Variants in SCRIB observed in about 807,000 individuals in gnomAD.
SCRIB encodes protein scribble homolog.
In SCRIB, 72 loss-of-function variants were observed where a neutral mutation model predicts 170.0. The ratio of observed to expected loss-of-function variants is 0.42; its 90% CI spans 0.35 to 0.52. The LOEUF (loss-of-function observed/expected upper bound fraction) is 0.52, where lower values mean the gene tolerates loss of function less well. SCRIB is among the 20% of genes least tolerant of loss of function. The pLI, the probability that SCRIB is intolerant of heterozygous loss-of-function variation, is 0.02. For synonymous variants in SCRIB, 1,298 were observed against 1,044.3 expected (o/e 1.24, Z -4.68); for missense variants, 2,475 against 2,338.5 (o/e 1.06, Z -1.20).
At chr8:143,810,661 GC>G (rs760064611) in intron 12 of SCRIB, 24 bp downstream of exon 12, 6 of 1,602,020 alleles carry the variant, frequency 3.7e-6, no homozygotes, top group Non-Finnish European at 4.3e-6. Context: ...GCAGAGGTTC[GC>G]CCCCCAGATC....
At chr8:143,791,761 G>C (rs782581658) in intron 34 of SCRIB, 21 bp from the exon 35 acceptor site, 6 of 1,583,166 alleles carry the variant, frequency 3.8e-6, no homozygotes, top group Non-Finnish European at 5.2e-6. Context: ...CAGCGTGAGG[G>C]GAGAGGCAGA....
chr8:143,810,105 C>T lies in SCRIB; in HGVS notation c.1530+374G>A, dbSNP rs540941729. On this transcript the variant is annotated intron_variant, in intron 13 of 36. Transcript: ENST00000356994. ...AAAACCCACAGCACGCATGTCACAG[C>T]TCTGAGTGAGAACAGTCAGGCCTGC... 2.2e-4 allele frequency among the ~76,000 whole-genome samples: 33 copies of T among 152,274 alleles called. 2 individuals carry two copies. The South Asian group carries it at 6.8e-3, about 32-fold the overall frequency.
intron 20 of SCRIB, 41 bp from the exon 21 acceptor site, chr8:143,804,866 AGGGGACAGAGGGCGCGGG>A: frequency 8.2e-7 from 1 of 1,225,526 alleles, no homozygotes; most frequent in Non-Finnish European, 1.0e-6. Context: ...CAAGGGCAGA[AGGGGACAGAGGGCGCGGG>A]GCGGGGCAGG....
In SCRIB at chr8:143,808,777, G is replaced by A; in HGVS notation, c.1947C>T (p.Pro649=). The A allele has an allele frequency of 6.2e-7, 1 of 1,611,128 alleles. No individual in the cohort carries two copies. ...GGGCCCGAGGAGCCCAGGGTGCGTG[G>A]GGGCCATTGTGCCAGCCCCCGGGAG... is the stretch of plus-strand genomic sequence containing the variant. ...PVAPGGWHNG[P]HAPWAPRAQK... The change falls in exon 15 of 37, where the codon CCC becomes CCT. Residue 649 remains proline, a synonymous_variant. Transcript: ENST00000356994.
rs560470019 is a variant in SCRIB, at chr8:143,793,661, C to A, written c.3909+239G>T. 4.5e-4 allele frequency: 217 copies of A among 485,974 alleles called. 1 individual carries two copies. The East Asian group carries it at 6.0e-3, about 13-fold the overall frequency. 30.1% of individuals were successfully genotyped at this position (485,974 alleles called of 1,614,324 possible). ...CTGACTGGGGTCTCAGGAGCTTGAG[C>A]CCCTCCAGGAACAGCACACTCAGGC... is the stretch of plus-strand genomic sequence containing the variant. On this transcript the variant is annotated intron_variant, in intron 28 of 36. Coordinates refer to ENST00000356994, the MANE Select transcript of SCRIB (RefSeq NM_182706.5).
intron 19 of SCRIB, 39 bp from the exon 20 acceptor site, chr8:143,805,053 G>A: frequency 1.9e-6 from 3 of 1,581,994 alleles, no homozygotes; most frequent in African/African-American, 2.7e-5. Context: ...TGCCGGTGAG[G>A]CTGGAGTGCG....
intron 9 of SCRIB, among the ~76,000 whole-genome samples, 184 bp downstream of exon 9, chr8:143,812,082 G>A (rs1815757401): frequency 6.6e-6 from 1 of 152,128 alleles, no homozygotes; most frequent in Non-Finnish European, 1.5e-5. Flanking sequence ...CCCTGCCCTG[G>A]CCTCACTGCC....
intron 22 of SCRIB, 25 bp downstream of exon 22, chr8:143,804,021 G>A (rs1815295320): frequency 6.3e-7 from 1 of 1,587,790 alleles, no homozygotes. Context: ...ACCTCTCACA[G>A]AACCGCCTGG....
Position 143,809,025 on chromosome 8 carries a change from G to A in SCRIB, c.1699C>T (p.Pro567Ser), listed in dbSNP as rs181819504. The A allele has an allele frequency of 3.7e-6, 6 of 1,608,740 alleles. No homozygotes were observed. In the East Asian group the frequency reaches 1.3e-4, roughly 36 times the overall value. Residue 567 changes from proline (P) to serine (S), a missense_variant and splice_region_variant, in exon 15 of 37, where the codon CCC (proline) becomes TCC (serine). Pro to Ser is a moderately conservative substitution (Grantham distance 74). This residue lies in a region of SCRIB where 1,966 missense variants were observed against 1,742.9 expected (regional missense o/e 1.13). Coordinates refer to ENST00000356994, the MANE Select transcript of SCRIB (RefSeq NM_182706.5). The part of the protein sequence containing the change: ...EEDAEEDYQE[P>S]TVHFAEDALL... ...GCGTCCTCTGCGAAATGCACCGTGG[G>A]CTGTGCGGACAAAAGGGTGAGGGTG...
At chr8:143,792,661 C>T in intron 30 of SCRIB, 26 bp from the exon 31 acceptor site, 1 of 1,590,850 alleles carries the variant, frequency 6.3e-7, no homozygotes, top group Non-Finnish European at 8.5e-7. Flanking sequence ...GTGGGTCAGG[C>T]CAGACCAGCC....
intron 27 of SCRIB, 49 bp from the exon 28 acceptor site, chr8:143,794,011 C>T (rs1283125547): frequency 1.3e-6 from 2 of 1,584,734 alleles, no homozygotes; most frequent in Admixed American, 3.4e-5. Context: ...GGCTGTGGCC[C>T]CCGACCAGGA....
intron 13 of SCRIB, 44 bp from the exon 14 acceptor site, chr8:143,809,762 C>T (rs1759353097): frequency 1.3e-6 from 2 of 1,585,556 alleles, no homozygotes; most frequent in African/African-American, 1.3e-5. Flanking sequence ...GCTCCCGACT[C>T]ACAGGCTGGC....
chr8:143,791,328 G>A lies in SCRIB; in HGVS notation c.4823-20C>T, dbSNP rs372232275. ...GCGGGCCTGGAGGGCAGGGACAGGT[G>A]GGCAGTGAGCTGAGGGCAGCTGGGC... On this transcript the variant is annotated intron_variant, in intron 36 of 36. Coordinates refer to ENST00000356994, the MANE Select transcript of SCRIB (RefSeq NM_182706.5). 1.3e-6 allele frequency: 2 copies of A among 1,586,556 alleles called. No individual in the cohort carries two copies. Among genetic ancestry groups the A allele is most frequent in the Non-Finnish European group, 8.6e-7 (1 of 1,166,236 alleles).
intron 26 of SCRIB, 79 bp downstream of exon 26, chr8:143,795,198 G>A (rs2130007141): frequency 1.3e-6 from 2 of 1,596,574 alleles, no homozygotes; most frequent in African/African-American, 1.3e-5. Flanking sequence ...GGTCCTGGGG[G>A]TTACTACCCA....
At position 143,814,059 on chromosome 8, in the gene SCRIB, C is replaced by A; in HGVS notation, c.219G>T (p.Arg73=). 6.4e-7 allele frequency: 1 copy of A among 1,558,834 alleles called. No homozygotes were observed. The highest frequency in any genetic ancestry group is 8.7e-7 in the Non-Finnish European group (1 of 1,150,846). The change falls in exon 2 of 37, where the codon CGG becomes CGT. Residue 73 remains arginine, a synonymous_variant. Coordinates refer to ENST00000356994, the MANE Select transcript of SCRIB (RefSeq NM_182706.5). ...TGAAGTTGGCCACCTCGGGAGGCAA[C>A]CGCTGGATCTCGTTGTCGCTCAGGC... ...KLGLSDNEIQ[R]LPPEVANFMQ... is the part of the protein sequence containing the mutation.
At chr8:143,794,977 G>T in intron 27 of SCRIB, 61 bp downstream of exon 27, 3 of 1,524,742 alleles carry the variant, frequency 2.0e-6, no homozygotes, top group Admixed American at 1.7e-5. Flanking sequence ...GTTTGTCCTG[G>T]GGTGGCCGAT....
intron 2 of SCRIB, 29 bp from the exon 3 acceptor site, chr8:143,813,925 G>T (rs368856905): frequency 6.2e-7 from 1 of 1,601,160 alleles, no homozygotes; most frequent in Non-Finnish European, 8.5e-7. Flanking sequence ...GTGGACAGAT[G>T]CCATGGCCTG....
chr8:143,807,831 G>A (rs1587535693), intron 15 of SCRIB, among the ~76,000 whole-genome samples: 1 of 152,196 alleles, frequency 6.6e-6, no homozygotes. Flanking sequence ...CCACCGGGCT[G>A]TCCCTGCTGT....
rs1249453542 is a variant in SCRIB at position 143,806,512 on chromosome 8, G to A, written c.2269-28C>T. ...AGGGCACAGACACGAGCTTGGCAGG[G>A]GCCAGGGAGACGGGCCCGCATTCCT... is the stretch of plus-strand genomic sequence containing the variant. On this transcript the variant is annotated intron_variant, in intron 17 of 36. Transcript: ENST00000356994. 4 of 1,557,088 alleles carry A rather than the reference G, an allele frequency of 2.6e-6. No homozygotes were observed. The East Asian group carries it at 9.5e-5, about 37-fold the overall frequency.
Sources: gnomAD v4.1 joint callset for allele counts (sites outside exome capture counted in the v4.1 genomes callset) on GRCh38, gnomAD v4.1.1 for gene constraint, gnomAD v4.1.1 regional missense constraint, MANE v1.5 for transcripts, NCBI Gene and HGNC (gene_info 2026-07-23, HGNC 2026-07-21) for gene names.